SLC10A7: variants seen among roughly 807,000 people sequenced by gnomAD.
SLC10A7 encodes sodium/bile acid cotransporter 7.
SLC10A7 carries 29 observed loss-of-function variants against 43.2 expected under a neutral mutation model. The observed-to-expected ratio is 0.67, with a 90% CI of 0.50 to 0.92. The LOEUF is 0.92. SLC10A7 is among the 40% of genes least tolerant of loss of function. SLC10A7 has a pLI of 0.00. For missense variants in SLC10A7, 295 were observed against 403.2 expected, an observed-to-expected ratio of 0.73 and a Z score of 2.30; for synonymous variants, 152 against 144.8, an observed-to-expected ratio of 1.05 and a Z score of -0.35.
intron 10 of SLC10A7, among the ~76,000 whole-genome samples, chr4:146,274,930 G>T (rs896729776): frequency 4.6e-5 from 7 of 152,080 alleles, no homozygotes; most frequent in Non-Finnish European, 1.5e-5. Context: ...GACTGAAACT[G>T]GTTCCTACTG....
chr4:146,497,849 T>C (rs969415275), intron 4 of SLC10A7, among the ~76,000 whole-genome samples: 3 of 152,076 alleles, frequency 2.0e-5, no homozygotes, highest in African/African-American at 7.2e-5. Flanking sequence ...CAGAAGTAAC[T>C]TGAATTCAAA....
intron 1 of SLC10A7, among the ~76,000 whole-genome samples, chr4:146,518,936 T>C (rs2150063526): frequency 6.6e-6 from 1 of 150,952 alleles, no homozygotes; most frequent in African/African-American, 2.4e-5. Context: ...GGTAATTTGT[T>C]GTGGCAGCCC....
intron 10 of SLC10A7, among the ~76,000 whole-genome samples, chr4:146,280,407 A>T (rs925071988): frequency 3.9e-5 from 6 of 152,158 alleles, no homozygotes; most frequent in African/African-American, 1.4e-4. Flanking sequence ...ATTTCCATGC[A>T]GGGATGTTGA....
At chr4:146,287,150 C>T (rs1334360628) in intron 9 of SLC10A7, among the ~76,000 whole-genome samples, 1 of 151,376 alleles carries the variant, frequency 6.6e-6, no homozygotes, top group African/African-American at 2.4e-5. Flanking sequence ...GTGAGAAGGA[C>T]CGTGTCTGGA....
At chr4:146,427,586 A>T (rs946742584) in intron 5 of SLC10A7, among the ~76,000 whole-genome samples, 1 of 152,202 alleles carries the variant, frequency 6.6e-6, no homozygotes, top group African/African-American at 2.4e-5. Context: ...AAAGGGCAAA[A>T]GGTAGAAGCC....
At chr4:146,390,251 T>C (rs976323481) in intron 5 of SLC10A7, among the ~76,000 whole-genome samples, 2 of 152,182 alleles carry the variant, frequency 1.3e-5, no homozygotes, top group African/African-American at 2.4e-5. Flanking sequence ...CAGTGACAGA[T>C]TGTAGTACTG....
chr4:146,376,251 C>A (rs181924081), intron 5 of SLC10A7, among the ~76,000 whole-genome samples: 8 of 152,174 alleles, frequency 5.3e-5, no homozygotes, highest in Non-Finnish European at 8.8e-5. Context: ...CCACAAAATT[C>A]TAAAGGATTT....
rs982657956 is a variant in SLC10A7, at chr4:146,381,093, T to G, written c.436-55097A>C. 2.6e-5 allele frequency among the ~76,000 whole-genome samples: 4 copies of G among 152,102 alleles called. No homozygotes were observed. The East Asian group carries it at 7.7e-4, about 29-fold the overall frequency. On this transcript the variant is annotated intron_variant, in intron 5 of 11. Transcript: ENST00000335472. ...AAAGCCCATACAATTTGGGGGGCTC[T>G]TGTTTAAGAAAGGAGTACAAAACTA...
intron 5 of SLC10A7, among the ~76,000 whole-genome samples, chr4:146,341,658 T>A (rs1734271033): frequency 6.6e-6 from 1 of 151,822 alleles, no homozygotes; most frequent in Non-Finnish European, 1.5e-5. Flanking sequence ...CAGATACAAT[T>A]CCAGAAGTCA....
At chr4:146,490,039 C>G (rs1028012979) in intron 4 of SLC10A7, among the ~76,000 whole-genome samples, 1 of 149,776 alleles carries the variant, frequency 6.7e-6, no homozygotes, top group Non-Finnish European at 1.5e-5. Context: ...TTTTTGTCAT[C>G]TACAAAAAGA....
At chr4:146,374,465 T>C (rs1301153404) in intron 5 of SLC10A7, among the ~76,000 whole-genome samples, 4 of 151,986 alleles carry the variant, frequency 2.6e-5, no homozygotes, top group Admixed American at 6.6e-5. Flanking sequence ...GGTGCACGCC[T>C]GTAATCCCAG....
chr4:146,357,392 T>A (rs560120804), intron 5 of SLC10A7, among the ~76,000 whole-genome samples: 1 of 152,330 alleles, frequency 6.6e-6, no homozygotes, highest in African/African-American at 2.4e-5. Context: ...CTAAAATATT[T>A]TTGAGTGGAA....
chr4:146,297,934 G>A (rs1018781943), intron 7 of SLC10A7, among the ~76,000 whole-genome samples: 1 of 152,094 alleles, frequency 6.6e-6, no homozygotes, highest in African/African-American at 2.4e-5. Flanking sequence ...TTATTCTGCT[G>A]AGTTTACAGT....
chr4:146,369,914 C>T (rs180758329), intron 5 of SLC10A7, among the ~76,000 whole-genome samples: 3 of 152,156 alleles, frequency 2.0e-5, no homozygotes, highest in African/African-American at 7.2e-5. Context: ...AATAAAAAAC[C>T]TTGGAATTCT....
chr4:146,313,319 T>C (rs149729178), intron 6 of SLC10A7, among the ~76,000 whole-genome samples: 8 of 152,312 alleles, frequency 5.3e-5, no homozygotes, highest in African/African-American at 1.9e-4. Flanking sequence ...CAACTGGCCT[T>C]CTTGGGACAG....
At chr4:146,293,454 T>A (rs1220362388) in intron 8 of SLC10A7, among the ~76,000 whole-genome samples, 1 of 152,190 alleles carries the variant, frequency 6.6e-6, no homozygotes, top group Non-Finnish European at 1.5e-5. Flanking sequence ...CTTCTCAAAA[T>A]GAAATGACAT....
At position 146,481,876 on chromosome 4, in the gene SLC10A7, C is replaced by T. The variant is rs1248485818; in HGVS notation, c.396+21973G>A. 2.6e-5 allele frequency among the ~76,000 whole-genome samples: 4 copies of T among 152,314 alleles called. No individual in the cohort carries two copies. In the South Asian group the frequency reaches 6.2e-4, roughly 24 times the overall value. ...CTGCCTTTGAGCTATGCAGACCCAACACCTAAAGAGATCCTCTCAGCTAAG... is the reference window on the plus strand; with the variant it reads ...CTGCCTTTGAGCTATGCAGACCCAATACCTAAAGAGATCCTCTCAGCTAAG... On this transcript the variant is annotated intron_variant, in intron 4 of 11. Coordinates refer to ENST00000335472, the MANE Select transcript of SLC10A7 (RefSeq NM_001029998.6).
chr4:146,276,239 T>C (rs1433363290), intron 10 of SLC10A7, among the ~76,000 whole-genome samples: 1 of 152,206 alleles, frequency 6.6e-6, no homozygotes, highest in Non-Finnish European at 1.5e-5. Context: ...CTCTGGTTGA[T>C]AGAGATATAA....
Position 146,294,070 on chromosome 4 carries a change from C to A in SLC10A7, c.581G>T (p.Trp194Leu). Residue 194 changes from tryptophan (W) to leucine (L), a missense_variant, in exon 8 of 12, where the codon TGG becomes TTG. Around this residue, in one of 2 missense-constraint regions of SLC10A7, gnomAD observed 242 missense variants for 362.5 expected, o/e 0.67. Transcript: ENST00000335472. Reference sequence around the variant, plus strand: ...AAAAGGAGGCTTCTTTCTCTCAAGCCAATCCTTGATGTATCTTCGGACAAT... The same window carrying A: ...AAAAGGAGGCTTCTTTCTCTCAAGCAAATCCTTGATGTATCTTCGGACAAT... ...GQIVRRYIKD[W>L]LERKKPPFGA... 6.2e-7 allele frequency: 1 copy of A among 1,610,082 alleles called. No individual in the cohort carries two copies. Among genetic ancestry groups the A allele is most frequent in the Non-Finnish European group, 8.5e-7 (1 of 1,177,546 alleles).
Sources: allele counts gnomAD v4.1 joint callset (sites outside exome capture counted in the v4.1 genomes callset), GRCh38; gene constraint gnomAD v4.1.1; regional missense constraint gnomAD v4.1.1; transcripts MANE v1.5; gene names NCBI Gene and HGNC (gene_info 2026-07-23, HGNC 2026-07-21).